Variants in CCDC146 observed in about 807,000 individuals in gnomAD.
The protein encoded by CCDC146 is coiled-coil domain-containing protein 146.
A neutral mutation model predicts 119.3 loss-of-function variants in CCDC146; 92 were observed. The ratio of observed to expected loss-of-function variants is 0.77; its 90% CI spans 0.65 to 0.92. CCDC146 has a LOEUF of 0.92. Among genes scored for constraint, CCDC146 ranks in the 40% least tolerant of loss-of-function variants. The pLI, the probability that CCDC146 is intolerant of heterozygous loss-of-function variation, is 0.00. For synonymous variants in CCDC146, 372 were observed against 371.8 expected (o/e 1.00, Z -0.01); for missense variants, 1,000 against 1,103.0 (o/e 0.91, Z 1.32).
intron 2 of CCDC146, among the ~76,000 whole-genome samples, chr7:77,174,821 T>C (rs1791478541): frequency 6.6e-6 from 1 of 152,204 alleles, no homozygotes. Context: ...ATGAATAAAG[T>C]TCTGTGATCA....
At chr7:77,199,359 C>G (rs749177820) in intron 2 of CCDC146, 1 of 1,614,114 alleles carries the variant, frequency 6.2e-7, no homozygotes, top group Non-Finnish European at 8.5e-7. Context: ...CTTTGGCATT[C>G]TTTAGCTCAG....
At chr7:77,233,584 C>G (rs531776507) in intron 2 of CCDC146, among the ~76,000 whole-genome samples, 1 of 152,130 alleles carries the variant, frequency 6.6e-6, no homozygotes, top group African/African-American at 2.4e-5. Flanking sequence ...AGAAGGAATG[C>G]TTTTGGGATG....
At chr7:77,239,108 G>A (rs1792795375) in intron 3 of CCDC146, among the ~76,000 whole-genome samples, 1 of 152,174 alleles carries the variant, frequency 6.6e-6, no homozygotes. Context: ...TATAAGAGTT[G>A]TTAAAGTCTC....
rs17159981 is a variant in CCDC146, at chr7:77,226,146, A to G, written c.157-10801A>G. Among the ~76,000 whole-genome samples the G allele has an allele frequency of 5.3e-5, 8 of 152,284 alleles. No individual in the cohort carries two copies. The East Asian group carries it at 1.5e-3, about 29-fold the overall frequency. On this transcript the variant is annotated intron_variant, in intron 2 of 18. Transcript: ENST00000285871. ...ACCTATGGGAAAAGTCAAAGGAAGC[A>G]GTTTTGAGAGCTCAATGCATTTGGA...
chr7:77,251,620 G>A (rs926852189), intron 4 of CCDC146, among the ~76,000 whole-genome samples: 3 of 152,118 alleles, frequency 2.0e-5, no homozygotes, highest in Admixed American at 6.5e-5. Flanking sequence ...GTGGAGGGAG[G>A]GGAGCATTCT....
chr7:77,183,078 G>C (rs955309888), intron 2 of CCDC146, among the ~76,000 whole-genome samples: 2 of 152,088 alleles, frequency 1.3e-5, no homozygotes, highest in African/African-American at 4.8e-5. Flanking sequence ...TGAAATGGAG[G>C]CATGACTTTC....
Position 77,274,633 on chromosome 7 carries a change from A to G in CCDC146, c.1421A>G (p.Lys474Arg). 6.2e-7 allele frequency: 1 copy of G among 1,610,166 alleles called. No homozygotes were observed. The highest frequency in any genetic ancestry group is 8.5e-7 in the Non-Finnish European group (1 of 1,178,902). Residue 474 changes from lysine (K) to arginine (R), a missense_variant, in exon 11 of 19, where the codon AAG (lysine) becomes AGG (arginine). Lys to Arg is a conservative substitution (Grantham distance 26). Coordinates refer to ENST00000285871, the MANE Select transcript of CCDC146 (RefSeq NM_020879.3). Reference protein sequence around the residue: ...IKIDEKEQKSKDFLKAQQKYT... With the variant: ...IKIDEKEQKSRDFLKAQQKYT... ...ATTGATGAAAAGGAACAAAAGTCCA[A>G]GGATTTCCTGAAAGCTCAGGTAACT...
intron 7 of CCDC146, chr7:77,259,366 T>C: frequency 3.8e-6 from 1 of 262,514 alleles, no homozygotes; most frequent in South Asian, 5.7e-5. Context: ...GGATAAATTA[T>C]GCGAACTGGT....
In CCDC146 at chr7:77,276,833, G is replaced by A. The variant is rs796328522; in HGVS notation, c.1441-1919G>A. On this transcript the variant is annotated intron_variant, in intron 11 of 18. Coordinates refer to ENST00000285871, the MANE Select transcript of CCDC146 (RefSeq NM_020879.3). ...CGCCTGTAATCCCAACACGTTGGGA[G>A]GCCAAGGCGGGTGGATCACCTGAGG... Among the ~76,000 whole-genome samples the A allele has an allele frequency of 5.9e-5, 9 of 152,340 alleles. 1 individual carries two copies. Among genetic ancestry groups the A allele is most frequent in the African/African-American group, 1.7e-4 (7 of 41,588 alleles).
chr7:77,238,360 G>C lies in CCDC146; in HGVS notation c.239+1331G>C, dbSNP rs150089682. ...GAGGAAATGCCATGCAGTTCTCTGG[G>C]CATCCCTCCAATCCTCTTTGCAGAT... On this transcript the variant is annotated intron_variant, in intron 3 of 18. Coordinates refer to ENST00000285871, the MANE Select transcript of CCDC146 (RefSeq NM_020879.3). Among the ~76,000 whole-genome samples the C allele has an allele frequency of 3.2e-3, 487 of 152,276 alleles. 3 individuals carry two copies. Among genetic ancestry groups the C allele is most frequent in the African/African-American group, 0.011 (464 of 41,530 alleles).
At chr7:77,249,342 G>C (rs952019041) in intron 4 of CCDC146, among the ~76,000 whole-genome samples, 1 of 151,998 alleles carries the variant, frequency 6.6e-6, no homozygotes, top group Non-Finnish European at 1.5e-5. Context: ...ACAAAAATTA[G>C]CTGGGCGTGG....
chr7:77,252,034 A>C (rs1793085530), intron 4 of CCDC146, among the ~76,000 whole-genome samples: 1 of 152,138 alleles, frequency 6.6e-6, no homozygotes, highest in South Asian at 2.1e-4. Flanking sequence ...CTATGGTCCC[A>C]GCTATCCAGG....
At chr7:77,138,638 G>C (rs1790892494) in intron 1 of CCDC146, among the ~76,000 whole-genome samples, 2 of 151,928 alleles carry the variant, frequency 1.3e-5, no homozygotes, top group Non-Finnish European at 2.9e-5. Context: ...CATCGATAAA[G>C]GACTATTATC....
intron 2 of CCDC146, among the ~76,000 whole-genome samples, chr7:77,231,158 C>G (rs1792619857): frequency 6.6e-6 from 1 of 152,220 alleles, no homozygotes; most frequent in African/African-American, 2.4e-5. Context: ...CCATTAATCA[C>G]TTAGTGGCTG....
At chr7:77,258,900 A>G (rs1163591132) in intron 6 of CCDC146, 95 bp from the exon 7 acceptor site, 1 of 778,028 alleles carries the variant, frequency 1.3e-6, no homozygotes, top group Non-Finnish European at 2.2e-6. Context: ...GTATCTACAT[A>G]TTGTAGTTCC....
intron 10 of CCDC146, 148 bp from the exon 11 acceptor site, chr7:77,274,334 G>T (rs537671289): frequency 2.1e-5 from 11 of 518,160 alleles, no homozygotes; most frequent in Admixed American, 3.6e-5. Context: ...CCTCCCAAAG[G>T]CTTGAATTAC....
intron 16 of CCDC146, 102 bp from the exon 17 acceptor site, chr7:77,287,338 T>C (rs1793865904): frequency 8.3e-7 from 1 of 1,199,276 alleles, no homozygotes; most frequent in Non-Finnish European, 1.2e-6. Context: ...TTTCCAGAGG[T>C]ATTTTGTGGG....
chr7:77,125,728 T>A (rs1287141631), intron 1 of CCDC146, among the ~76,000 whole-genome samples: 1 of 152,046 alleles, frequency 6.6e-6, no homozygotes, highest in Non-Finnish European at 1.5e-5. Context: ...GCAATTTAGC[T>A]TAAGAGAAAA....
chr7:77,233,935 A>G (rs1048906980), intron 2 of CCDC146, among the ~76,000 whole-genome samples: 11 of 152,150 alleles, frequency 7.2e-5, no homozygotes, highest in African/African-American at 2.4e-4. Flanking sequence ...TATCTCTTCA[A>G]ACTTTGGCCT....
Sources: gnomAD v4.1 joint callset for allele counts (sites outside exome capture counted in the v4.1 genomes callset) on GRCh38, gnomAD v4.1.1 for gene constraint, MANE v1.5 for transcripts, NCBI Gene and HGNC (gene_info 2026-07-23, HGNC 2026-07-21) for gene names.